Variants in DLG2 observed in about 807,000 individuals in gnomAD.
DLG2 encodes the protein discs large MAGUK scaffold protein 2, also known as disks large homolog 2.
A neutral mutation model predicts 132.5 loss-of-function variants in DLG2; 45 were observed. That is an observed-to-expected ratio of 0.34 (90% CI 0.27 to 0.44). DLG2 has a LOEUF of 0.44. Among genes scored for constraint, DLG2 ranks in the 20% least tolerant of loss-of-function variants. The pLI, the probability that DLG2 is intolerant of heterozygous loss-of-function variation, is 1.00. For missense variants in DLG2, 1,045 were observed against 1,196.9 expected (o/e 0.87, Z 1.87); for synonymous variants, 424 against 419.6 (o/e 1.01, Z -0.13).
chr11:84,693,463 C>T (rs186126482), intron 6 of DLG2, among the ~76,000 whole-genome samples: 64 of 151,826 alleles, frequency 4.2e-4, no homozygotes, highest in African/African-American at 1.5e-3. Flanking sequence ...AATTCTATAA[C>T]CTGAAACGTA....
intron 7 of DLG2, among the ~76,000 whole-genome samples, chr11:84,401,744 G>C (rs1475447572): frequency 6.6e-6 from 1 of 152,134 alleles, no homozygotes; most frequent in East Asian, 1.9e-4. Context: ...TAGCAGCGAT[G>C]TCATCTTGGC....
intron 7 of DLG2, among the ~76,000 whole-genome samples, chr11:84,378,901 G>A (rs1291960010): frequency 2.0e-5 from 3 of 151,696 alleles, no homozygotes; most frequent in Non-Finnish European, 4.4e-5. Flanking sequence ...AACCAAGATC[G>A]CGCCACTTCA....
intron 5 of DLG2, among the ~76,000 whole-genome samples, chr11:85,115,938 C>A (rs1179279714): frequency 1.3e-5 from 2 of 151,826 alleles, no homozygotes; most frequent in African/African-American, 4.8e-5. Context: ...TGAATCCTAC[C>A]AGGAAGTGGA....
intron 6 of DLG2, among the ~76,000 whole-genome samples, chr11:84,892,834 A>G (rs984543204): frequency 6.6e-6 from 1 of 151,920 alleles, no homozygotes; most frequent in Non-Finnish European, 1.5e-5. Context: ...TTTACTTCCT[A>G]TACTTGCCAA....
intron 15 of DLG2, among the ~76,000 whole-genome samples, chr11:83,883,557 T>A (rs2066905801): frequency 6.6e-6 from 1 of 152,226 alleles, no homozygotes; most frequent in African/African-American, 2.4e-5. Context: ...TGAAAAACTC[T>A]TTGCTTTAAA....
At chr11:84,289,902 G>A (rs999597633) in intron 7 of DLG2, among the ~76,000 whole-genome samples, 1 of 152,100 alleles carries the variant, frequency 6.6e-6, no homozygotes, top group South Asian at 2.1e-4. Context: ...TTTCTGGATG[G>A]TCAGGCCCCT....
chr11:84,692,457 A>C (rs1169885445), intron 6 of DLG2, among the ~76,000 whole-genome samples: 1 of 151,730 alleles, frequency 6.6e-6, no homozygotes, highest in Non-Finnish European at 1.5e-5. Flanking sequence ...AAATTAAAAA[A>C]ACAAATACAT....
intron 6 of DLG2, among the ~76,000 whole-genome samples, chr11:84,855,645 C>T (rs1041838927): frequency 6.6e-6 from 1 of 152,028 alleles, no homozygotes; most frequent in Non-Finnish European, 1.5e-5. Flanking sequence ...GTTCATACTG[C>T]AGAAGAATTA....
chr11:85,259,590 T>C (rs1202111963), intron 4 of DLG2, among the ~76,000 whole-genome samples: 2 of 151,828 alleles, frequency 1.3e-5, no homozygotes, highest in South Asian at 2.1e-4. Context: ...CTTCTGCTTG[T>C]TTTGGGGTGC....
intron 7 of DLG2, among the ~76,000 whole-genome samples, chr11:84,434,985 C>T (rs2098996379): frequency 6.6e-6 from 1 of 151,006 alleles, no homozygotes; most frequent in African/African-American, 2.4e-5. Flanking sequence ...AATCATTGTC[C>T]ATTGTAAAGA....
chr11:83,924,631 G>A (rs12420468), intron 15 of DLG2, among the ~76,000 whole-genome samples: 12,091 of 152,056 alleles, frequency 0.08, 692 homozygotes, highest in Non-Finnish European at 0.12. Flanking sequence ...AGCTATGAAC[G>A]GAAACAGTCT....
At chr11:84,302,762 A>G (rs1040111225) in intron 7 of DLG2, among the ~76,000 whole-genome samples, 2 of 152,206 alleles carry the variant, frequency 1.3e-5, no homozygotes, top group Non-Finnish European at 2.9e-5. Context: ...AAAAGGATTT[A>G]TGATTAACTA....
intron 10 of DLG2, among the ~76,000 whole-genome samples, chr11:84,060,656 T>C (rs2096577277): frequency 6.6e-6 from 1 of 152,084 alleles, no homozygotes; most frequent in Admixed American, 6.6e-5. Context: ...TTCATGATAA[T>C]AATTAGTGAT....
At chr11:84,077,432 C>G (rs1019095326) in intron 10 of DLG2, among the ~76,000 whole-genome samples, 1 of 152,192 alleles carries the variant, frequency 6.6e-6, no homozygotes, top group Non-Finnish European at 1.5e-5. Context: ...AAACACTCTT[C>G]TGCATTCTGT....
chr11:83,974,217 C>T (rs1191575980), intron 12 of DLG2, among the ~76,000 whole-genome samples: 1 of 151,972 alleles, frequency 6.6e-6, no homozygotes, highest in Admixed American at 6.6e-5. Context: ...TACATATTCG[C>T]AATGTCTTCA....
chr11:85,238,643 T>A (rs2075723992), intron 4 of DLG2, among the ~76,000 whole-genome samples: 1 of 152,110 alleles, frequency 6.6e-6, no homozygotes, highest in African/African-American at 2.4e-5. Flanking sequence ...CTTCCTTCTT[T>A]TTTAACTTAT....
At chr11:83,462,691 C>T (rs898108242) in intron 26 of DLG2, among the ~76,000 whole-genome samples, 3 of 152,134 alleles carry the variant, frequency 2.0e-5, no homozygotes, top group African/African-American at 4.8e-5. Context: ...AAGAGAAGAA[C>T]TGTAATGTTC....
intron 4 of DLG2, among the ~76,000 whole-genome samples, chr11:85,223,999 G>A (rs958971865): frequency 2.0e-5 from 3 of 152,142 alleles, no homozygotes; most frequent in Non-Finnish European, 4.4e-5. Context: ...GGTGACCTTG[G>A]TAAATTATAG....
At chr11:84,721,623 T>A (rs1419321542) in intron 6 of DLG2, among the ~76,000 whole-genome samples, 1 of 151,176 alleles carries the variant, frequency 6.6e-6, no homozygotes, top group East Asian at 2.0e-4. Context: ...ACAAATGTGA[T>A]AAGAAGGGTG....
Sources: allele counts gnomAD v4.1 joint callset (sites outside exome capture counted in the v4.1 genomes callset), GRCh38; gene constraint gnomAD v4.1.1; transcripts MANE v1.5; gene names NCBI Gene and HGNC (gene_info 2026-07-23, HGNC 2026-07-21).